GALNT18: variants seen among roughly 807,000 people sequenced by gnomAD.
GALNT18 encodes GalNAc-transferase 18.
A neutral mutation model predicts 69.5 loss-of-function variants in GALNT18; 44 were observed. That is an observed-to-expected ratio of 0.63 (90% CI 0.50 to 0.81). The LOEUF (loss-of-function observed/expected upper bound fraction) is 0.81, where lower values mean the gene tolerates loss of function less well. Ranked by LOEUF, GALNT18 falls within the 40% of genes least tolerant of loss-of-function variation. The probability of loss-of-function intolerance (pLI) is 0.00; values close to 1 mark genes in which losing one functional copy is unlikely to be tolerated. For synonymous variants in GALNT18, 364 were observed against 318.2 expected (o/e 1.14, Z -1.53); for missense variants, 715 against 810.0 (o/e 0.88, Z 1.42).
At chr11:11,313,286 C>G (rs1230017921) in intron 9 of GALNT18, among the ~76,000 whole-genome samples, 2 of 152,116 alleles carry the variant, frequency 1.3e-5, no homozygotes, top group Admixed American at 1.3e-4. Flanking sequence ...AGCTGATGAG[C>G]CTGTGGCCTG....
chr11:11,452,293 G>C (rs1022083809), intron 1 of GALNT18, among the ~76,000 whole-genome samples: 2 of 152,200 alleles, frequency 1.3e-5, no homozygotes, highest in African/African-American at 4.8e-5. Context: ...ACCTCACCCT[G>C]AGCCTCAGTT....
Position 11,461,348 on chromosome 11 carries a change from A to G in GALNT18, c.236-12412T>C, listed in dbSNP as rs1276777373. On this transcript the variant is annotated intron_variant, in intron 1 of 10. Transcript: ENST00000227756. This position sits in a 1 kb window ranked among gnomAD's most constrained non-coding sequence, Gnocchi z 4.1. ...ATAGCCTTGATTAGAAATTATGCAG[A>G]ATGAAAGCTGCTATTAAAGGGTCAA... Among the ~76,000 whole-genome samples, 2 of 152,166 alleles carry G rather than the reference A, an allele frequency of 1.3e-5. No homozygotes were observed. The highest frequency in any genetic ancestry group is 2.4e-5 in the African/African-American group (1 of 41,434).
intron 10 of GALNT18, among the ~76,000 whole-genome samples, chr11:11,279,796 T>G (rs1398215837): frequency 6.6e-6 from 1 of 152,348 alleles, no homozygotes; most frequent in East Asian, 1.9e-4. Context: ...CAGTCCTATT[T>G]CCTGAGCTGG....
intron 10 of GALNT18, among the ~76,000 whole-genome samples, chr11:11,284,833 C>CT (rs10664932): frequency 1.6e-3 from 246 of 149,500 alleles, no homozygotes; most frequent in African/African-American, 5.5e-3. Context: ...GAGATTAAGT[C>CT]TTTTTTTGGT....
intron 1 of GALNT18, among the ~76,000 whole-genome samples, chr11:11,492,703 C>T (rs1216554437): frequency 2.2e-5 from 3 of 135,860 alleles, no homozygotes; most frequent in African/African-American, 8.4e-5. Context: ...ACAATGAGAA[C>T]ACATGGACAC....
At position 11,332,011 on chromosome 11, in the gene GALNT18, T is replaced by C. The variant is rs181164200; in HGVS notation, c.1416+683A>G. ...AGGTTACATATCTACAAATCTTAGA[T>C]TTTCTTTTACTCTACGGGGATAGTA... On this transcript the variant is annotated intron_variant, in intron 8 of 10. Transcript: ENST00000227756. The surrounding 1 kb of genome is among the most constrained non-coding windows in gnomAD (Gnocchi z 4.3). Among the ~76,000 whole-genome samples the C allele has an allele frequency of 3.1e-3, 473 of 152,260 alleles. 1 individual carries two copies. Among genetic ancestry groups the C allele is most frequent in the Non-Finnish European group, 5.2e-3 (356 of 68,014 alleles).
chr11:11,368,603 C>A (rs1850825459), intron 6 of GALNT18, among the ~76,000 whole-genome samples: 1 of 152,008 alleles, frequency 6.6e-6, no homozygotes, highest in South Asian at 2.1e-4. Flanking sequence ...TAATTTTATT[C>A]CTTTAATAAT....
intron 3 of GALNT18, among the ~76,000 whole-genome samples, chr11:11,391,666 G>A (rs1049666244): frequency 8.5e-5 from 13 of 152,210 alleles, no homozygotes; most frequent in African/African-American, 1.7e-4. Context: ...TTACAAATGC[G>A]CAAAATGAGG....
At chr11:11,288,044 T>C (rs1287157475) in intron 10 of GALNT18, among the ~76,000 whole-genome samples, 2 of 152,162 alleles carry the variant, frequency 1.3e-5, no homozygotes, top group Non-Finnish European at 2.9e-5. Context: ...TTAACTTGCT[T>C]CCCTGTTTCT....
chr11:11,550,414 A>C (rs1455284557), intron 1 of GALNT18, among the ~76,000 whole-genome samples: 1 of 152,212 alleles, frequency 6.6e-6, no homozygotes, highest in African/African-American at 2.4e-5. Flanking sequence ...GCAGTTGGGG[A>C]AACTTGGCCA....
At chr11:11,484,597 A>G (rs1481413026) in intron 1 of GALNT18, among the ~76,000 whole-genome samples, 1 of 125,550 alleles carries the variant, frequency 8.0e-6, no homozygotes, top group Non-Finnish European at 1.9e-5. Context: ...CCATCTCAAA[A>G]AAAAAAAAAA....
At chr11:11,386,202 A>G (rs779834644) in intron 3 of GALNT18, among the ~76,000 whole-genome samples, 1 of 152,184 alleles carries the variant, frequency 6.6e-6, no homozygotes, top group Non-Finnish European at 1.5e-5. Flanking sequence ...CTCACTTATC[A>G]GGTGGGATGA....
At position 11,463,598 on chromosome 11, in the gene GALNT18, A is replaced by C. The variant is rs1000749015; in HGVS notation, c.236-14662T>G. ...CTGGACGTCTTTTCATTACTGTCCTAAGTCGTAAATCTCTCACCCCCAGCA... is the reference window on the plus strand; with the variant it reads ...CTGGACGTCTTTTCATTACTGTCCTCAGTCGTAAATCTCTCACCCCCAGCA... On this transcript the variant is annotated intron_variant, in intron 1 of 10. Transcript: ENST00000227756. The surrounding 1 kb of genome is among the most constrained non-coding windows in gnomAD (Gnocchi z 4.2). Among the ~76,000 whole-genome samples, 1 of 152,086 alleles carries C rather than the reference A, an allele frequency of 6.6e-6. No homozygotes were observed. The highest frequency in any genetic ancestry group is 1.5e-5 in the Non-Finnish European group (1 of 68,018).
Position 11,404,532 on chromosome 11 carries a change from G to T in GALNT18, c.596-25268C>A, listed in dbSNP as rs959749132. On this transcript the variant is annotated intron_variant, in intron 3 of 10. Coordinates refer to ENST00000227756, the MANE Select transcript of GALNT18 (RefSeq NM_198516.3). The surrounding 1 kb of genome is among the most constrained non-coding windows in gnomAD (Gnocchi z 4.5). ...GAGCCAAACATTCCATGTTATAGAA[G>T]TAAGGAGAGTCACGTGGGAGGAAAA... 1.3e-5 allele frequency among the ~76,000 whole-genome samples: 2 copies of T among 152,132 alleles called. No homozygotes were observed. Among genetic ancestry groups the T allele is most frequent in the African/African-American group, 4.8e-5 (2 of 41,420 alleles).
chr11:11,602,299 G>A lies in GALNT18; in HGVS notation c.235+19060C>T, dbSNP rs1859651468. 6.6e-6 allele frequency among the ~76,000 whole-genome samples: 1 copy of A among 152,148 alleles called. No individual in the cohort carries two copies. ...CAGGGATAGGGGCAATCAGGGCCTA[G>A]TATTCTCAACACAGGGTAAAGCTTC... On this transcript the variant is annotated intron_variant, in intron 1 of 10. Coordinates refer to ENST00000227756, the MANE Select transcript of GALNT18 (RefSeq NM_198516.3). The surrounding 1 kb of genome is among the most constrained non-coding windows in gnomAD (Gnocchi z 4.7).
At chr11:11,323,200 T>A (rs1410519686) in intron 9 of GALNT18, among the ~76,000 whole-genome samples, 2 of 152,152 alleles carry the variant, frequency 1.3e-5, no homozygotes, top group Non-Finnish European at 2.9e-5. Flanking sequence ...CATTCTAACA[T>A]CAACTCTAAA....
rs1855985678 is a variant in GALNT18, at chr11:11,459,149, A to T, written c.236-10213T>A. Among the ~76,000 whole-genome samples, 1 of 152,148 alleles carries T rather than the reference A, an allele frequency of 6.6e-6. No individual in the cohort carries two copies. Among genetic ancestry groups the T allele is most frequent in the African/African-American group, 2.4e-5 (1 of 41,432 alleles). ...GTCAAGTGCCCTAATAATGGTAAGT[A>T]AATGCACTATTCTGTTGATGGAGGG... is the stretch of plus-strand genomic sequence containing the variant. On this transcript the variant is annotated intron_variant, in intron 1 of 10. Coordinates refer to ENST00000227756, the MANE Select transcript of GALNT18 (RefSeq NM_198516.3). This position sits in a 1 kb window ranked among gnomAD's most constrained non-coding sequence, Gnocchi z 5.0.
intron 2 of GALNT18, among the ~76,000 whole-genome samples, chr11:11,446,015 C>T (rs766828784): frequency 2.6e-5 from 4 of 152,146 alleles, no homozygotes; most frequent in South Asian, 2.1e-4. Flanking sequence ...CTCCCACATG[C>T]GCTCTCATTG....
chr11:11,374,750 A>G (rs1853694112), intron 5 of GALNT18, among the ~76,000 whole-genome samples: 1 of 152,274 alleles, frequency 6.6e-6, no homozygotes, highest in African/African-American at 2.4e-5. Flanking sequence ...GCTTATGAGA[A>G]AATTTAAAAT....
Sources: gnomAD v4.1 joint callset for allele counts (sites outside exome capture counted in the v4.1 genomes callset) on GRCh38, gnomAD v4.1.1 for gene constraint, Gnocchi (gnomAD v3.1) non-coding constraint, MANE v1.5 for transcripts, NCBI Gene and HGNC (gene_info 2026-07-23, HGNC 2026-07-21) for gene names.